Variants in ZDHHC7 observed in about 807,000 individuals in gnomAD.
ZDHHC7 encodes zDHHC palmitoyltransferase 7, also known as palmitoyltransferase ZDHHC7.
A neutral mutation model predicts 34.1 loss-of-function variants in ZDHHC7; 12 were observed. That is an observed-to-expected ratio of 0.35 (90% CI 0.23 to 0.57). The LOEUF (loss-of-function observed/expected upper bound fraction) is 0.57, where lower values mean the gene tolerates loss of function less well. Among genes scored for constraint, ZDHHC7 ranks in the 20% least tolerant of loss-of-function variants. The pLI, the probability that ZDHHC7 is intolerant of heterozygous loss-of-function variation, is 0.84. For synonymous variants in ZDHHC7, 185 were observed against 155.4 expected, an observed-to-expected ratio of 1.19 and a Z score of -1.42; for missense variants, 388 against 402.7, an observed-to-expected ratio of 0.96 and a Z score of 0.31.
At chr16:85,023,356 G>C in the ZDHHC7 span, among the ~76,000 whole-genome samples, 9 of 152,058 alleles carry the variant, frequency 5.9e-5, no homozygotes, top group South Asian at 1.7e-3. Flanking sequence ...GTAGAGACAG[G>C]GTTTCACCGT....
rs2072663380 is a variant in ZDHHC7, at chr16:85,002,275, A to G, written c.-103-6268T>C. 5.9e-5 allele frequency among the ~76,000 whole-genome samples: 9 copies of G among 151,912 alleles called. No individual in the cohort carries two copies. The South Asian group carries it at 1.9e-3, about 32-fold the overall frequency. ...CCACCCCTCAAGTATGGCCGTTCAC[A>G]GGGACAGTTTCTAACGAGTGGAGTA... On this transcript the variant is annotated intron_variant, in intron 1 of 7. Coordinates refer to ENST00000313732, the MANE Select transcript of ZDHHC7 (RefSeq NM_017740.3).
At chr16:84,980,911 T>C (rs576417886) in intron 4 of ZDHHC7, among the ~76,000 whole-genome samples, 1 of 152,250 alleles carries the variant, frequency 6.6e-6, no homozygotes, top group Admixed American at 6.5e-5. Flanking sequence ...GGCCAAACCA[T>C]GAGGATATGA....
upstream of ZDHHC7, among the ~76,000 whole-genome samples, chr16:85,012,683 T>TAG (rs1177676087): frequency 1.3e-5 from 2 of 152,096 alleles, no homozygotes; most frequent in African/African-American, 4.8e-5. Context: ...GGCAGGCAGA[T>TAG]CACCTGAGGT....
At chr16:85,001,149 C>G (rs2072647312) in intron 1 of ZDHHC7, among the ~76,000 whole-genome samples, 1 of 152,118 alleles carries the variant, frequency 6.6e-6, no homozygotes, top group South Asian at 2.1e-4. Context: ...ATGGGAGGCA[C>G]CAGACCTTAG....
the ZDHHC7 span, among the ~76,000 whole-genome samples, chr16:85,025,005 G>A: frequency 7.2e-5 from 11 of 152,108 alleles, no homozygotes; most frequent in Non-Finnish European, 1.6e-4. Flanking sequence ...GGCCAGGCGT[G>A]GTGGCTCACG....
At position 84,999,760 on chromosome 16, in the gene ZDHHC7, G is replaced by C. The variant is rs180695386; in HGVS notation, c.-103-3753C>G. On this transcript the variant is annotated intron_variant, in intron 1 of 7. Transcript: ENST00000313732. ...ACATTGTAAGTTGACAGACATGCCT[G>C]TATCTTGAGAGGGAAGTGGGTGACA... is the stretch of plus-strand genomic sequence containing the variant. Among the ~76,000 whole-genome samples the C allele has an allele frequency of 3.3e-5, 5 of 152,258 alleles. 1 individual carries two copies. The highest frequency in any genetic ancestry group is 1.2e-4 in the African/African-American group (5 of 41,544).
At chr16:84,996,613 T>C (rs1206730099) in intron 1 of ZDHHC7, among the ~76,000 whole-genome samples, 1 of 152,186 alleles carries the variant, frequency 6.6e-6, no homozygotes, top group Non-Finnish European at 1.5e-5. Flanking sequence ...GACTCTGCGA[T>C]GTAGGGAAAA....
chr16:84,985,881 A>C (rs960582363), intron 3 of ZDHHC7, among the ~76,000 whole-genome samples: 1 of 148,306 alleles, frequency 6.7e-6, no homozygotes, highest in Non-Finnish European at 1.5e-5. Flanking sequence ...CTTGAACCCA[A>C]GAGGCAACCG....
intron 1 of ZDHHC7, among the ~76,000 whole-genome samples, chr16:85,008,918 G>T (rs1024540147): frequency 6.6e-6 from 1 of 151,690 alleles, no homozygotes; most frequent in Non-Finnish European, 1.5e-5. Flanking sequence ...GGTGGCTCAG[G>T]CCTGTAATCC....
intron 3 of ZDHHC7, among the ~76,000 whole-genome samples, chr16:84,987,116 G>A (rs1025672863): frequency 1.3e-5 from 2 of 152,200 alleles, no homozygotes; most frequent in Non-Finnish European, 2.9e-5. Context: ...TCTCCCCTCT[G>A]TCCACCTTCC....
intron 1 of ZDHHC7, among the ~76,000 whole-genome samples, chr16:85,006,749 T>C (rs568170518): frequency 6.6e-5 from 10 of 152,038 alleles, no homozygotes; most frequent in African/African-American, 2.4e-4. Flanking sequence ...AAAATAGTAA[T>C]AATAAAAAAT....
At chr16:84,994,893 A>G (rs2072556333) in intron 2 of ZDHHC7, among the ~76,000 whole-genome samples, 1 of 152,244 alleles carries the variant, frequency 6.6e-6, no homozygotes, top group Non-Finnish European at 1.5e-5. Flanking sequence ...GCTCTCAGTA[A>G]CACAGTGCAC....
At chr16:84,986,976 C>T (rs2072445037) in intron 3 of ZDHHC7, among the ~76,000 whole-genome samples, 1 of 152,202 alleles carries the variant, frequency 6.6e-6, no homozygotes, top group African/African-American at 2.4e-5. Flanking sequence ...GCCCACTCTC[C>T]CCTTCAGAAA....
intron 2 of ZDHHC7, among the ~76,000 whole-genome samples, chr16:84,993,473 CA>C (rs1277256019): frequency 6.8e-6 from 1 of 147,812 alleles, no homozygotes; most frequent in Non-Finnish European, 1.5e-5. Context: ...CTCTACAAAA[CA>C]AAATTGTTTT....
chr16:85,010,069 G>A (rs1597568856), intron 1 of ZDHHC7, among the ~76,000 whole-genome samples: 1 of 149,670 alleles, frequency 6.7e-6, no homozygotes, highest in African/African-American at 2.5e-5. Context: ...TTGAGATGGG[G>A]ATCTCACTCT....
intron 1 of ZDHHC7, among the ~76,000 whole-genome samples, chr16:85,001,083 C>CCA (rs1461213597): frequency 6.6e-6 from 1 of 152,126 alleles, no homozygotes; most frequent in Non-Finnish European, 1.5e-5. Context: ...TCCAATGGAA[C>CCA]CACAGCCTGA....
At chr16:84,994,194 A>C (rs2072546165) in intron 2 of ZDHHC7, among the ~76,000 whole-genome samples, 1 of 152,192 alleles carries the variant, frequency 6.6e-6, no homozygotes, top group Non-Finnish European at 1.5e-5. Context: ...TGTCCCCCTC[A>C]TGCCTTGCAT....
intron 1 of ZDHHC7, among the ~76,000 whole-genome samples, chr16:84,999,477 C>A (rs2072625922): frequency 6.6e-6 from 1 of 152,102 alleles, no homozygotes; most frequent in African/African-American, 2.4e-5. Context: ...AACCCGTCAA[C>A]AGGAAATAGA....
At position 84,990,541 on chromosome 16, in the gene ZDHHC7, T is replaced by C. The variant is rs1445894477; in HGVS notation, c.78A>G (p.Ser26=). The C allele has an allele frequency of 7.4e-6, 12 of 1,614,138 alleles. No homozygotes were observed. The highest frequency in any genetic ancestry group is 1.1e-5 in the South Asian group (1 of 91,084). Residue 26 remains serine, a synonymous_variant, in exon 3 of 8, where the codon TCA becomes TCG. Coordinates refer to ENST00000313732, the MANE Select transcript of ZDHHC7 (RefSeq NM_017740.3). ...CGTCAGCCTCGGAGGAGGAGGACGA[T>C]GAAGAGTCATAGTTGTCATTTTCAG... is the stretch of plus-strand genomic sequence containing the variant. ...LLAENDNYDS[S]SSSSSEADVA... is the part of the protein sequence containing the mutation.
Sources: gnomAD v4.1 joint callset for allele counts (sites outside exome capture counted in the v4.1 genomes callset) on GRCh38, gnomAD v4.1.1 for gene constraint, MANE v1.5 for transcripts, NCBI Gene and HGNC (gene_info 2026-07-23, HGNC 2026-07-21) for gene names.